The following WDR59 variants were observed in gnomAD, a reference collection of about 807,000 sequenced individuals.
The protein encoded by WDR59 is GATOR2 complex protein WDR59.
Under a neutral mutation model 131.2 loss-of-function variants are expected in WDR59, and 100 were observed. That is an observed-to-expected ratio of 0.76 (90% CI 0.65 to 0.90). The LOEUF is 0.90. Ranked by LOEUF, WDR59 falls within the 40% of genes least tolerant of loss-of-function variation. The probability of loss-of-function intolerance (pLI) is 0.00; values close to 1 mark genes in which losing one functional copy is unlikely to be tolerated. For synonymous variants in WDR59, 601 were observed against 466.2 expected, an observed-to-expected ratio of 1.29 and a Z score of -3.72; for missense variants, 1,203 against 1,262.2, an observed-to-expected ratio of 0.95 and a Z score of 0.71.
In WDR59 at chr16:74,909,603, G is replaced by A. The variant is rs745431481; in HGVS notation, c.1540C>T (p.Pro514Ser). The A allele has an allele frequency of 2.5e-6, 4 of 1,608,920 alleles. No individual in the cohort carries two copies. Among genetic ancestry groups the A allele is most frequent in the Non-Finnish European group, 3.4e-6 (4 of 1,178,042 alleles). ...NPFALPNSVT[P>S]PLPTFARVTT... ...ACCCGCGCAAACGTCGGTAAGGGGG[G>A]AGTGACAGAGTTGGGGAGTGCAAAC... The change falls in exon 16 of 26, where the codon CCC becomes TCC. Residue 514 changes from proline (P) to serine (S), a missense_variant. Transcript: ENST00000262144.
chr16:74,924,485 A>C (rs927713375), intron 8 of WDR59, among the ~76,000 whole-genome samples: 3 of 152,208 alleles, frequency 2.0e-5, no homozygotes, highest in African/African-American at 7.2e-5. Flanking sequence ...AAACGACATA[A>C]TGTGCAAGGT....
chr16:74,920,524 C>T (rs766982317), intron 10 of WDR59, among the ~76,000 whole-genome samples: 2 of 152,130 alleles, frequency 1.3e-5, no homozygotes, highest in Admixed American at 6.6e-5. Flanking sequence ...CCTCAGCCTC[C>T]GAAGTAGCTG....
chr16:74,918,141 A>G, intron 10 of WDR59, 133 bp from the exon 11 acceptor site: 1 of 784,848 alleles, frequency 1.3e-6, no homozygotes, highest in Non-Finnish European at 2.1e-6. Context: ...GCCAGGCACT[A>G]TTCTAGGTAC....
intron 25 of WDR59, among the ~76,000 whole-genome samples, chr16:74,876,068 C>T (rs1331590649): frequency 6.6e-6 from 1 of 152,132 alleles, no homozygotes; most frequent in Non-Finnish European, 1.5e-5. Flanking sequence ...TCCAATCTCC[C>T]ACCTCTCCTT....
intron 1 of WDR59, among the ~76,000 whole-genome samples, chr16:74,975,890 C>G (rs1357918612): frequency 2.6e-5 from 4 of 151,972 alleles, no homozygotes; most frequent in Admixed American, 2.6e-4. Context: ...GTGGCTCATG[C>G]CTGTGATCAC....
rs1214809892 is a variant in WDR59, at chr16:74,926,217, G to A, written c.652-2214C>T. On this transcript the variant is annotated intron_variant, in intron 8 of 25. Transcript: ENST00000262144. ...TGGGATTACAGGCACGCACCACCACGCCTGGCTAATTTTTTGTATTTTTAG... is the reference window on the plus strand; with the variant it reads ...TGGGATTACAGGCACGCACCACCACACCTGGCTAATTTTTTGTATTTTTAG... Among the ~76,000 whole-genome samples, 5 of 151,738 alleles carry A rather than the reference G, an allele frequency of 3.3e-5. No individual in the cohort carries two copies. The South Asian group carries it at 8.3e-4, about 25-fold the overall frequency.
intron 1 of WDR59, among the ~76,000 whole-genome samples, chr16:74,971,299 T>C (rs7186699): frequency 0.2 from 30,292 of 151,754 alleles, 4,750 homozygotes; most frequent in African/African-American, 0.44. Context: ...TCTATTAGAA[T>C]AATGTGATGA....
chr16:74,946,732 G>C (rs2032665416), intron 6 of WDR59, among the ~76,000 whole-genome samples: 1 of 151,446 alleles, frequency 6.6e-6, no homozygotes, highest in South Asian at 2.1e-4. Context: ...CAAAAAAAAA[G>C]AAAAAAGAAA....
intron 13 of WDR59, among the ~76,000 whole-genome samples, chr16:74,913,026 A>G (rs1966177561): frequency 6.7e-6 from 1 of 149,250 alleles, no homozygotes; most frequent in Non-Finnish European, 1.5e-5. Flanking sequence ...ACAGTGCTGC[A>G]GAGACTTTAT....
chr16:74,952,387 A>C (rs993000567), intron 3 of WDR59, among the ~76,000 whole-genome samples: 7 of 149,724 alleles, frequency 4.7e-5, no homozygotes, highest in Non-Finnish European at 1.5e-5. Context: ...GGCAATAGTA[A>C]GCTGTGATTG....
intron 2 of WDR59, among the ~76,000 whole-genome samples, chr16:74,957,072 T>C (rs1353525204): frequency 7.1e-6 from 1 of 141,706 alleles, no homozygotes; most frequent in East Asian, 2.4e-4. Flanking sequence ...CTTGAATATC[T>C]TTTTTTTTCT....
chr16:74,888,828 G>C (rs1446453439), intron 21 of WDR59, among the ~76,000 whole-genome samples: 1 of 152,150 alleles, frequency 6.6e-6, no homozygotes, highest in African/African-American at 2.4e-5. Context: ...TGAGCTATTA[G>C]GTAAGAACAA....
intron 10 of WDR59, 25 bp from the exon 11 acceptor site, chr16:74,918,033 T>C (rs1207831336): frequency 6.2e-7 from 1 of 1,606,608 alleles, no homozygotes. Context: ...ATAAGAATCC[T>C]GGAAATTCTT....
At chr16:74,924,644 C>T (rs2030595824) in intron 8 of WDR59, among the ~76,000 whole-genome samples, 2 of 152,330 alleles carry the variant, frequency 1.3e-5, no homozygotes, top group East Asian at 1.9e-4. Flanking sequence ...GACACCTATG[C>T]TTCTAACGTG....
chr16:74,924,156 A>G (rs1422528578), intron 8 of WDR59, among the ~76,000 whole-genome samples, 153 bp from the exon 9 acceptor site: 1 of 152,124 alleles, frequency 6.6e-6, no homozygotes, highest in African/African-American at 2.4e-5. Flanking sequence ...ACGCACTGTG[A>G]CAGAGACACA....
chr16:74,918,445 G>A (rs970941517), intron 10 of WDR59, among the ~76,000 whole-genome samples: 3 of 152,170 alleles, frequency 2.0e-5, no homozygotes, highest in Admixed American at 2.0e-4. Context: ...ACATGCTCTC[G>A]AAGAGCTGGA....
intron 7 of WDR59, among the ~76,000 whole-genome samples, chr16:74,942,400 C>A (rs79241800): frequency 0.016 from 2,474 of 152,200 alleles, 74 homozygotes; most frequent in African/African-American, 0.056. Context: ...CTGGGCTCCA[C>A]GGCTTAACCC....
chr16:74,918,027 G>T lies in WDR59; in HGVS notation c.887-19C>A. 6.2e-7 allele frequency: 1 copy of T among 1,610,944 alleles called. No individual in the cohort carries two copies. The highest frequency in any genetic ancestry group is 8.5e-7 in the Non-Finnish European group (1 of 1,177,832). On this transcript the variant is annotated intron_variant, in intron 10 of 25. Transcript: ENST00000262144. ...TTGGACCCTAGAAATCACCAAATAA[G>T]AATCCTGGAAATTCTTCTGGATTCA... is the stretch of plus-strand genomic sequence containing the variant.
chr16:74,883,566 G>A (rs944029072), intron 25 of WDR59, among the ~76,000 whole-genome samples: 5 of 152,190 alleles, frequency 3.3e-5, no homozygotes, highest in African/African-American at 1.2e-4. Context: ...TCCTGGAGAA[G>A]AGGAGATCAG....
Sources: allele counts gnomAD v4.1 joint callset (sites outside exome capture counted in the v4.1 genomes callset), GRCh38; gene constraint gnomAD v4.1.1; transcripts MANE v1.5; gene names NCBI Gene and HGNC (gene_info 2026-07-23, HGNC 2026-07-21).